Variants in MAPK10 observed in about 807,000 individuals in gnomAD.
The protein encoded by MAPK10 is JNK3 alpha protein kinase.
Under a neutral mutation model 59.3 loss-of-function variants are expected in MAPK10, and 25 were observed. That is an observed-to-expected ratio of 0.42 (90% CI 0.31 to 0.59). The LOEUF is 0.59. MAPK10 is among the 20% of genes least tolerant of loss of function. The probability of loss-of-function intolerance (pLI) is 0.15; values close to 1 mark genes in which losing one functional copy is unlikely to be tolerated. For synonymous variants in MAPK10, 190 were observed against 200.5 expected, an observed-to-expected ratio of 0.95 and a Z score of 0.44; for missense variants, 351 against 568.9, an observed-to-expected ratio of 0.62 and a Z score of 3.90.
chr4:86,113,875 A>G (rs2057915792), intron 4 of MAPK10, among the ~76,000 whole-genome samples: 1 of 152,156 alleles, frequency 6.6e-6, no homozygotes, highest in Non-Finnish European at 1.5e-5. Flanking sequence ...CGGTCTTTTT[A>G]CATAATCCCA....
intron 2 of MAPK10, among the ~76,000 whole-genome samples, chr4:86,318,307 A>G (rs1036019637): frequency 6.6e-6 from 1 of 152,136 alleles, no homozygotes; most frequent in Non-Finnish European, 1.5e-5. Flanking sequence ...TTCTCCAGTG[A>G]GTTTTCGTTG....
At chr4:86,373,078 A>C (rs1461124388) in intron 1 of MAPK10, among the ~76,000 whole-genome samples, 1 of 152,238 alleles carries the variant, frequency 6.6e-6, no homozygotes, top group African/African-American at 2.4e-5. Flanking sequence ...CCAATGGAAC[A>C]GAACAGAGGC....
At chr4:86,168,778 C>A (rs1041542113) in intron 3 of MAPK10, among the ~76,000 whole-genome samples, 1 of 152,184 alleles carries the variant, frequency 6.6e-6, no homozygotes, top group African/African-American at 2.4e-5. Context: ...GTCCCTGACC[C>A]CTGACCCCCG....
At chr4:86,215,318 A>G (rs1358526020) in intron 2 of MAPK10, among the ~76,000 whole-genome samples, 1 of 152,242 alleles carries the variant, frequency 6.6e-6, no homozygotes, top group African/African-American at 2.4e-5. Context: ...TTATAAGACA[A>G]CATAGAACAA....
At chr4:86,433,912 T>C (rs2149042939) in intron 1 of MAPK10, among the ~76,000 whole-genome samples, 1 of 152,242 alleles carries the variant, frequency 6.6e-6, no homozygotes, top group East Asian at 1.9e-4. Flanking sequence ...TGTAACAAAT[T>C]ACAATAGAAT....
chr4:86,290,288 A>G (rs912933189), intron 2 of MAPK10, among the ~76,000 whole-genome samples: 1 of 152,186 alleles, frequency 6.6e-6, no homozygotes, highest in Middle Eastern at 3.2e-3. Context: ...CTGTGACAAG[A>G]GCTGCTAAGA....
Position 86,515,852 on chromosome 4 carries a change from T to C in MAPK10, c.-263+78058A>G, listed in dbSNP as rs533044235. Among the ~76,000 whole-genome samples, 4 of 151,972 alleles carry C rather than the reference T, an allele frequency of 2.6e-5. No homozygotes were observed. In the East Asian group the frequency reaches 7.7e-4, roughly 29 times the overall value. On this transcript the variant is annotated intron_variant, in intron 1 of 4. Coordinates refer to the MAPK10 transcript ENST00000502302. The stretch of plus-strand genomic sequence containing the variant: ...AGCTTTTTAGTTTAATTAAGACACA[T>C]CTATTTATCTTTGGGTTTTGTTTTT...
intron 11 of MAPK10, among the ~76,000 whole-genome samples, chr4:86,040,440 T>C (rs2041280081): frequency 6.6e-6 from 1 of 152,046 alleles, no homozygotes; most frequent in South Asian, 2.1e-4. Context: ...TTTAAAAATA[T>C]ATGGTCAGAA....
At chr4:86,441,239 G>A (rs1479881823) in intron 1 of MAPK10, among the ~76,000 whole-genome samples, 1 of 152,132 alleles carries the variant, frequency 6.6e-6, no homozygotes, top group African/African-American at 2.4e-5. Flanking sequence ...AGTAAACCTG[G>A]GAGTAGCTAG....
At chr4:86,550,112 T>C (rs1336755951) in intron 1 of MAPK10, among the ~76,000 whole-genome samples, 1 of 152,036 alleles carries the variant, frequency 6.6e-6, no homozygotes, top group Non-Finnish European at 1.5e-5. Flanking sequence ...AAGAGACATC[T>C]TTATCTCAAA....
chr4:86,539,167 G>T (rs1758481137), intron 1 of MAPK10, among the ~76,000 whole-genome samples: 2 of 151,994 alleles, frequency 1.3e-5, no homozygotes, highest in African/African-American at 4.8e-5. Context: ...AGGAAAACAG[G>T]ATCTGTCATT....
intron 11 of MAPK10, among the ~76,000 whole-genome samples, 167 bp downstream of exon 11, chr4:86,064,083 GAAAAAAATGTATTTAA>G (rs2046263645): frequency 6.6e-6 from 1 of 152,130 alleles, no homozygotes; most frequent in South Asian, 2.1e-4. Context: ...AGTAAGTCCT[GAAAAAAATGTATTTAA>G]AACATATGTT....
rs2074276882 is a variant in MAPK10, at chr4:86,171,853, T to G, written c.67-12386A>C. ...TCTGACAAAGGGCTAATATCCAGAA[T>G]CTACAATGAACTCAAACAAATTTAC... is the stretch of plus-strand genomic sequence containing the variant. On this transcript the variant is annotated intron_variant, in intron 3 of 13. Coordinates refer to ENST00000641462, the MANE Select transcript of MAPK10 (RefSeq NM_138982.4). Among the ~76,000 whole-genome samples the G allele has an allele frequency of 2.7e-5, 4 of 150,870 alleles. No individual in the cohort carries two copies. The South Asian group carries it at 8.3e-4, about 31-fold the overall frequency.
intron 1 of MAPK10, among the ~76,000 whole-genome samples, chr4:86,413,065 G>A (rs1243560724): frequency 6.6e-6 from 1 of 152,106 alleles, no homozygotes; most frequent in Non-Finnish European, 1.5e-5. Flanking sequence ...CTTTGATGTT[G>A]GTGACCTACA....
intron 1 of MAPK10, among the ~76,000 whole-genome samples, chr4:86,383,448 A>G (rs1027151188): frequency 4.6e-5 from 7 of 152,230 alleles, no homozygotes; most frequent in African/African-American, 1.7e-4. Context: ...TAGGATAAAC[A>G]GGTAGCTAAA....
chr4:86,349,621 C>A (rs1730122655), intron 2 of MAPK10, among the ~76,000 whole-genome samples: 1 of 152,160 alleles, frequency 6.6e-6, no homozygotes, highest in Non-Finnish European at 1.5e-5. Context: ...TGATTGAATG[C>A]TGGATGAAAG....
intron 6 of MAPK10, 193 bp from the exon 7 acceptor site, chr4:86,102,225 GAA>G (rs2055561697): frequency 2.1e-6 from 1 of 465,538 alleles, no homozygotes; most frequent in African/African-American, 1.9e-5. Context: ...GTTGCTAGTA[GAA>G]AAAGCATTTA....
intron 1 of MAPK10, among the ~76,000 whole-genome samples, chr4:86,586,265 A>C (rs1285632733): frequency 6.6e-6 from 1 of 152,188 alleles, no homozygotes; most frequent in Non-Finnish European, 1.5e-5. Flanking sequence ...AACCCTAGTA[A>C]AAATTGTGAA....
chr4:86,301,159 T>C (rs895937546), intron 2 of MAPK10, among the ~76,000 whole-genome samples: 11 of 152,052 alleles, frequency 7.2e-5, no homozygotes, highest in African/African-American at 2.7e-4. Flanking sequence ...TGACTCCAGA[T>C]ATTGCCAAAT....
Sources: allele counts gnomAD v4.1 joint callset (sites outside exome capture counted in the v4.1 genomes callset), GRCh38; gene constraint gnomAD v4.1.1; transcripts MANE v1.5; gene names NCBI Gene and HGNC (gene_info 2026-07-23, HGNC 2026-07-21).